BLMH: variants seen among roughly 807,000 people sequenced by gnomAD.
The protein encoded by BLMH is BLM hydrolase.
In BLMH, 32 loss-of-function variants were observed where a neutral mutation model predicts 61.6. That is an observed-to-expected ratio of 0.52 (90% confidence interval 0.39 to 0.70). BLMH has a LOEUF of 0.70. Ranked by LOEUF, BLMH falls within the 30% of genes least tolerant of loss-of-function variation. The pLI is 0.00. For synonymous variants in BLMH, 183 were observed against 193.8 expected (o/e 0.94, Z 0.46); for missense variants, 460 against 555.5 (o/e 0.83, Z 1.73).
chr17:30,256,077 G>C (rs1907806456), intron 11 of BLMH, among the ~76,000 whole-genome samples: 2 of 152,208 alleles, frequency 1.3e-5, no homozygotes, highest in South Asian at 4.1e-4. Flanking sequence ...TGTTGAGATG[G>C]GGTCTTACGA....
At chr17:30,276,237 T>C (rs1185145368) in intron 6 of BLMH, among the ~76,000 whole-genome samples, 1 of 152,232 alleles carries the variant, frequency 6.6e-6, no homozygotes, top group Admixed American at 6.5e-5. Context: ...TTCACTACCA[T>C]ATTTCTTAAG....
At chr17:30,259,651 C>T (rs1212638230) in intron 11 of BLMH, among the ~76,000 whole-genome samples, 1 of 152,200 alleles carries the variant, frequency 6.6e-6, no homozygotes, top group Non-Finnish European at 1.5e-5. Flanking sequence ...TGTCACATCA[C>T]AGCCCTCTTC....
intron 3 of BLMH, among the ~76,000 whole-genome samples, chr17:30,289,091 TATTGA>T (rs1175203596): frequency 3.3e-5 from 5 of 152,264 alleles, no homozygotes; most frequent in Admixed American, 2.6e-4. Flanking sequence ...AAGGGAGATA[TATTGA>T]ATTGAATATT....
chr17:30,269,666 G>A (rs1179294917), intron 10 of BLMH, among the ~76,000 whole-genome samples: 2 of 152,060 alleles, frequency 1.3e-5, no homozygotes, highest in African/African-American at 4.8e-5. Context: ...CTGTTTCTTG[G>A]TGTGGGAGTC....
chr17:30,263,629 T>C (rs1352701803), intron 11 of BLMH, among the ~76,000 whole-genome samples: 1 of 152,254 alleles, frequency 6.6e-6, no homozygotes, highest in African/African-American at 2.4e-5. Context: ...TTTCTCCTTT[T>C]ATGTCCTCCT....
chr17:30,277,977 T>G (rs1439272919), intron 6 of BLMH, among the ~76,000 whole-genome samples: 1 of 143,546 alleles, frequency 7.0e-6, no homozygotes, highest in Non-Finnish European at 1.5e-5. Context: ...ACATGTTGCA[T>G]TGTTTTATAC....
At position 30,248,988 on chromosome 17, in the gene BLMH, T is replaced by A; in HGVS notation, c.*29A>T. 6.8e-6 allele frequency: 11 copies of A among 1,612,468 alleles called. No individual in the cohort carries two copies. The highest frequency in any genetic ancestry group is 9.3e-6 in the Non-Finnish European group (11 of 1,179,246). On this transcript the variant is annotated 3_prime_UTR_variant, in exon 12 of 12. Coordinates refer to ENST00000261714, the MANE Select transcript of BLMH (RefSeq NM_000386.4). ...TCCTTTGCAGCTACGTCAGGTTCCA[T>A]GGAAGGAGGAAAGAGCTGGAGGGCA... is the stretch of plus-strand genomic sequence containing the variant.
intron 11 of BLMH, among the ~76,000 whole-genome samples, chr17:30,254,583 T>C (rs974196335): frequency 2.0e-5 from 3 of 152,052 alleles, no homozygotes; most frequent in Non-Finnish European, 4.4e-5. Context: ...GTTACAAATA[T>C]AGATGCACAT....
At chr17:30,276,665 C>T (rs1908433125) in intron 6 of BLMH, among the ~76,000 whole-genome samples, 1 of 152,226 alleles carries the variant, frequency 6.6e-6, no homozygotes. Context: ...TATTACCTCC[C>T]ATAACAAATC....
At chr17:30,260,451 T>A (rs1012907683) in intron 11 of BLMH, among the ~76,000 whole-genome samples, 2 of 152,190 alleles carry the variant, frequency 1.3e-5, no homozygotes, top group African/African-American at 4.8e-5. Flanking sequence ...ATGATAGCCC[T>A]CTCTTAGTCA....
At chr17:30,252,533 C>CAA (rs34594289) in intron 11 of BLMH, among the ~76,000 whole-genome samples, 4,813 of 66,354 alleles carry the variant, frequency 0.073, 412 homozygotes, top group Non-Finnish European at 0.1. Flanking sequence ...CCCATCCTCA[C>CAA]AAAAAAAAAA....
At chr17:30,251,649 C>T (rs1907670204) in intron 11 of BLMH, among the ~76,000 whole-genome samples, 1 of 151,734 alleles carries the variant, frequency 6.6e-6, no homozygotes, top group Non-Finnish European at 1.5e-5. Flanking sequence ...CAAGAGGGTC[C>T]CCTAGTGAGC....
At chr17:30,253,721 G>T (rs1021214883) in intron 11 of BLMH, among the ~76,000 whole-genome samples, 1 of 152,106 alleles carries the variant, frequency 6.6e-6, no homozygotes, top group Non-Finnish European at 1.5e-5. Flanking sequence ...GGGATCCCAA[G>T]GTTACACTGA....
Position 30,285,397 on chromosome 17 carries a change from C to A in BLMH, c.636G>T (p.Met212Ile). ...KGEISATQDVMMEEIFRVVCI... is the reference protein window; with the variant it reads ...KGEISATQDVIMEEIFRVVCI... ...CAAATTTTGTTATTACCTCCTCCAT[C>A]ATGACGTCCTGTGTGGCCGAGATTT... is the stretch of plus-strand genomic sequence containing the variant. The change falls in exon 6 of 12, where the codon ATG becomes ATT. Residue 212 changes from methionine to isoleucine, a missense_variant. Physicochemically the swap from Met to Ile is conservative, Grantham distance 10. This residue lies in a region of BLMH where 310 missense variants were observed against 371.1 expected (regional missense o/e 0.84). Transcript: ENST00000261714. 6.2e-7 allele frequency: 1 copy of A among 1,610,058 alleles called. No individual in the cohort carries two copies. The highest frequency in any genetic ancestry group is 1.1e-5 in the South Asian group (1 of 90,148).
chr17:30,265,227 TAGAG>T, intron 11 of BLMH, among the ~76,000 whole-genome samples: 1 of 152,296 alleles, frequency 6.6e-6, no homozygotes, highest in Non-Finnish European at 1.5e-5. Context: ...ATTATTCTCA[TAGAG>T]AGATGAAAAG....
In BLMH at chr17:30,286,906, A is replaced by T; in HGVS notation, c.464-4T>A. The T allele has an allele frequency of 1.3e-6, 2 of 1,549,330 alleles. No homozygotes were observed. The highest frequency in any genetic ancestry group is 1.8e-6 in the Non-Finnish European group (2 of 1,126,300). On this transcript the variant is annotated splice_region_variant and splice_polypyrimidine_tract_variant and intron_variant, in intron 4 of 11. Transcript: ENST00000261714. ...TTAGGGATAACACCATATTTTTCTA[A>T]AAGAAAACAAATTCTAGTGTTAAAG...
rs936855397 is a variant in BLMH, at chr17:30,271,312, G to T, written c.1105C>A (p.Leu369Ile). 2 of 1,614,122 alleles carry T rather than the reference G, an allele frequency of 1.2e-6. No homozygotes were observed. Among genetic ancestry groups the T allele is most frequent in the Non-Finnish European group, 8.5e-7 (1 of 1,179,980 alleles). Residue 369 changes from leucine to isoleucine, a missense_variant, in exon 10 of 12, where the codon CTT becomes ATT. Physicochemically the swap from Leu to Ile is conservative, Grantham distance 5. This residue lies in a region of BLMH where 310 missense variants were observed against 371.1 expected (regional missense o/e 0.84). Transcript: ENST00000261714. ...KAERLTFGES[L>I]MTHAMTFTAV... is the part of the protein sequence containing the mutation. ...GTGAAGGTCATGGCGTGGGTCATAA[G>T]TGACTCACCAAAAGTCAGCCTCTCC...
In BLMH at chr17:30,253,818, C is replaced by A. The variant is rs375190229; in HGVS notation, c.1217-4650G>T. On this transcript the variant is annotated intron_variant, in intron 11 of 11. Transcript: ENST00000261714. The stretch of plus-strand genomic sequence containing the variant: ...TAAACTTTAATGTCTTGTTTACATG[C>A]GATGAGAAAGAAAGAAAAGTGAACA... Among the ~76,000 whole-genome samples the A allele has an allele frequency of 1.1e-4, 17 of 152,202 alleles. No homozygotes were observed. The East Asian group carries it at 2.3e-3, about 21-fold the overall frequency.
At chr17:30,265,830 CCT>C (rs1173556869) in intron 11 of BLMH, among the ~76,000 whole-genome samples, 1 of 152,040 alleles carries the variant, frequency 6.6e-6, no homozygotes, top group Non-Finnish European at 1.5e-5. Flanking sequence ...GGTTTGGAAC[CCT>C]AAAAATTAAA....
Sources: allele counts gnomAD v4.1 joint callset (sites outside exome capture counted in the v4.1 genomes callset), GRCh38; gene constraint gnomAD v4.1.1; regional missense constraint gnomAD v4.1.1; transcripts MANE v1.5; gene names NCBI Gene and HGNC (gene_info 2026-07-23, HGNC 2026-07-21).